Variants in LPA observed in about 807,000 individuals in gnomAD.
The protein encoded by LPA is apolipoprotein(a).
A neutral mutation model predicts 197.9 loss-of-function variants in LPA; 199 were observed. That is an observed-to-expected ratio of 1.01 (90% CI 0.90 to 1.13). The LOEUF is 1.13. LPA is among the 50% of genes most tolerant of loss of function. The probability of loss-of-function intolerance (pLI) is 0.00; values close to 1 mark genes in which losing one functional copy is unlikely to be tolerated. For missense variants in LPA, 1,853 were observed against 1,785.8 expected (o/e 1.04, Z -0.68); for synonymous variants, 715 against 639.5 (o/e 1.12, Z -1.78).
At chr6:160,651,832 G>C (rs1780011278) in intron 1 of LPA, among the ~76,000 whole-genome samples, 1 of 152,096 alleles carries the variant, frequency 6.6e-6, no homozygotes, top group Admixed American at 6.5e-5. Flanking sequence ...TCAGCAAAGA[G>C]ATGGAAACTA....
At chr6:160,571,659 G>C (rs1778564158) in intron 28 of LPA, among the ~76,000 whole-genome samples, 1 of 152,212 alleles carries the variant, frequency 6.6e-6, no homozygotes, top group South Asian at 2.1e-4. Context: ...CTTCCTAGCG[G>C]TTTTGCTTAC....
intron 1 of LPA, among the ~76,000 whole-genome samples, chr6:160,658,077 G>A (rs943309469): frequency 6.6e-6 from 1 of 152,120 alleles, no homozygotes; most frequent in African/African-American, 2.4e-5. Context: ...AAGCAGTGCA[G>A]GGTTTACATC....
chr6:160,537,833 T>TAC (rs1777917011), intron 37 of LPA, 22 bp downstream of exon 37: 1 of 1,603,004 alleles, frequency 6.2e-7, no homozygotes, highest in Non-Finnish European at 8.5e-7. Flanking sequence ...ATTTGTTACG[T>TAC]GGGCAATGGA....
chr6:160,548,719 C>A (rs954146293), intron 30 of LPA, 60 bp from the exon 31 acceptor site: 21 of 1,552,688 alleles, frequency 1.4e-5, no homozygotes, highest in Admixed American at 3.3e-5. Context: ...GGACATCCAG[C>A]ACCCTCTACA....
chr6:160,662,740 T>C (rs1314029977), intron 1 of LPA, among the ~76,000 whole-genome samples: 1 of 152,252 alleles, frequency 6.6e-6, no homozygotes. Flanking sequence ...GATATTTTCT[T>C]GAATGGCTTC....
chr6:160,576,390 GTATATATATATATATATATATATA>G (rs140486548), intron 28 of LPA, among the ~76,000 whole-genome samples: 22 of 46,104 alleles, frequency 4.8e-4, no homozygotes, highest in Admixed American at 8.7e-4. Flanking sequence ...ATATATATAT[GTATATATATATATATATATATATA>G]TGGGTATATA....
At chr6:160,654,058 A>ATATATAATATATAT (rs1562354992) in intron 1 of LPA, among the ~76,000 whole-genome samples, 430 of 6,526 alleles carry the variant, frequency 0.066, 72 homozygotes, top group African/African-American at 0.19. Flanking sequence ...ATAATATATT[A>ATATATAATATATAT]TATATATTAT....
At chr6:160,556,415 T>A (rs553436294) in intron 29 of LPA, among the ~76,000 whole-genome samples, 4 of 152,252 alleles carry the variant, frequency 2.6e-5, no homozygotes, top group African/African-American at 7.2e-5. Flanking sequence ...CTATCAGTGC[T>A]CTTACAATTG....
chr6:160,551,537 A>T (rs188193016), intron 30 of LPA, among the ~76,000 whole-genome samples: 133 of 152,332 alleles, frequency 8.7e-4, no homozygotes, highest in African/African-American at 3.2e-3. Context: ...GTTTTCATGA[A>T]AGCCCACATT....
chr6:160,648,853 G>A (rs771087887), intron 2 of LPA, among the ~76,000 whole-genome samples: 1 of 152,090 alleles, frequency 6.6e-6, no homozygotes, highest in Non-Finnish European at 1.5e-5. Context: ...ATAGTGATAT[G>A]TCAAATTTTT....
At chr6:160,548,903 C>G (rs896493222) in intron 30 of LPA, among the ~76,000 whole-genome samples, 1 of 152,162 alleles carries the variant, frequency 6.6e-6, no homozygotes, top group African/African-American at 2.4e-5. Context: ...TTAGCCCGTT[C>G]TCACATTGCT....
At chr6:160,609,210 G>A (rs369715315) in intron 16 of LPA, among the ~76,000 whole-genome samples, 1 of 151,938 alleles carries the variant, frequency 6.6e-6, no homozygotes, top group African/African-American at 2.4e-5. Flanking sequence ...TGATTCCAAA[G>A]TCTTACACTT....
intron 28 of LPA, among the ~76,000 whole-genome samples, chr6:160,567,059 C>G (rs934433826): frequency 3.9e-5 from 6 of 152,046 alleles, no homozygotes; most frequent in African/African-American, 1.4e-4. Context: ...ACTTTAACAC[C>G]CCACTGTCAA....
intron 26 of LPA, 98 bp from the exon 27 acceptor site, chr6:160,578,802 G>T (rs1357381295): frequency 6.4e-7 from 1 of 1,559,184 alleles, no homozygotes; most frequent in African/African-American, 1.4e-5. Flanking sequence ...GTTAACAAGT[G>T]CCTTTGAAAT....
At chr6:160,598,921 C>T (rs1779182180) in intron 20 of LPA, among the ~76,000 whole-genome samples, 1 of 152,168 alleles carries the variant, frequency 6.6e-6, no homozygotes, top group African/African-American at 2.4e-5. Context: ...TAACCCTCAG[C>T]CGATGTTGTA....
At chr6:160,578,463 A>G (rs932636062) in intron 27 of LPA, 60 bp downstream of exon 27, 13 of 1,601,060 alleles carry the variant, frequency 8.1e-6, no homozygotes, top group Non-Finnish European at 1.0e-5. Flanking sequence ...CTTCTGCATC[A>G]GTAAGATTTT....
intron 2 of LPA, among the ~76,000 whole-genome samples, chr6:160,647,204 G>T (rs1310565195): frequency 6.6e-6 from 1 of 152,162 alleles, no homozygotes; most frequent in East Asian, 1.9e-4. Context: ...ATGGCATAAA[G>T]GAAGATGGCA....
At position 160,540,025 on chromosome 6, in the gene LPA, C is replaced by T. The variant is rs764213160; in HGVS notation, c.5735+18G>A. ...TATCTTCACCAGCGTGGGGTGAAGA[C>T]CACAGGTGAGCGAGTACCTGCTTAG... On this transcript the variant is annotated intron_variant, in intron 36 of 38. Coordinates refer to ENST00000316300, the MANE Select transcript of LPA (RefSeq NM_005577.4). 1.7e-5 allele frequency: 28 copies of T among 1,613,978 alleles called. No homozygotes were observed. Among genetic ancestry groups the T allele is most frequent in the Middle Eastern group, 1.6e-4 (1 of 6,084 alleles).
At chr6:160,545,375 T>TTG (rs1778049529) in intron 33 of LPA, 65 bp downstream of exon 33, 5 of 1,182,132 alleles carry the variant, frequency 4.2e-6, no homozygotes, top group Non-Finnish European at 6.2e-6. Context: ...CTGTTTTTTT[T>TTG]GCTTTTTTTT....
Sources: gnomAD v4.1 joint callset for allele counts (sites outside exome capture counted in the v4.1 genomes callset) on GRCh38, gnomAD v4.1.1 for gene constraint, MANE v1.5 for transcripts, NCBI Gene and HGNC (gene_info 2026-07-23, HGNC 2026-07-21) for gene names.